GJC1: variants seen among roughly 807,000 people sequenced by gnomAD.
The protein encoded by GJC1 is gap junction gamma-1 protein.
In GJC1, 5 loss-of-function variants were observed where a neutral mutation model predicts 29.3. That is an observed-to-expected ratio of 0.17 (90% CI 0.09 to 0.36). GJC1 has a LOEUF of 0.36. Among genes scored for constraint, GJC1 ranks in the 10% least tolerant of loss-of-function variants. The pLI is 1.00. For missense variants in GJC1, 310 were observed against 496.2 expected (o/e 0.62, Z 3.56); for synonymous variants, 177 against 183.3 (o/e 0.97, Z 0.28).
At chr17:44,806,026 C>A (rs191998565) in intron 2 of GJC1, among the ~76,000 whole-genome samples, 189 bp from the exon 3 acceptor site, 4 of 152,266 alleles carry the variant, frequency 2.6e-5, no homozygotes, top group Non-Finnish European at 5.9e-5. Flanking sequence ...GTAATCCCAG[C>A]ACTTTGGGAG....
At chr17:44,826,007 A>G (rs1293846142) in intron 1 of GJC1, among the ~76,000 whole-genome samples, 1 of 151,752 alleles carries the variant, frequency 6.6e-6, no homozygotes, top group African/African-American at 2.4e-5. Flanking sequence ...TGCAACCTCC[A>G]CCTCCCAGGT....
chr17:44,806,409 T>G (rs546718766), intron 2 of GJC1, among the ~76,000 whole-genome samples: 1 of 150,924 alleles, frequency 6.6e-6, no homozygotes, highest in Non-Finnish European at 1.5e-5. Flanking sequence ...TTGTTTTTTT[T>G]TTTTTTTTTT....
chr17:44,820,269 G>C (rs931727124), intron 1 of GJC1, among the ~76,000 whole-genome samples: 1 of 152,116 alleles, frequency 6.6e-6, no homozygotes, highest in Non-Finnish European at 1.5e-5. Context: ...GGCGAAAAGT[G>C]ATTCTTAACC....
intron 1 of GJC1, among the ~76,000 whole-genome samples, chr17:44,816,218 C>T (rs77317491): frequency 6.6e-6 from 1 of 150,502 alleles, no homozygotes; most frequent in Non-Finnish European, 1.5e-5. Flanking sequence ...GATTCACTCA[C>T]ACAAAGAAAA....
Position 44,800,911 on chromosome 17 carries a change from T to C in GJC1, c.*3716A>G, listed in dbSNP as rs1370723620. 6.6e-6 allele frequency: 1 copy of C among 151,100 alleles called. No homozygotes were observed. Among genetic ancestry groups the C allele is most frequent in the Non-Finnish European group, 1.5e-5 (1 of 67,928 alleles). The allele number at this position is 151,100 out of a possible 1,614,324, so 9.4% of individuals were successfully genotyped here. A position where few individuals can be genotyped will look rare whatever the true frequency, so the allele number is the denominator to read the frequency against. Reference sequence around the variant, plus strand: ...TTCTTTAGGGGAAAATGCTATCTAATTTTCCCCTCGTTTGAATTAACCAAA... The same window carrying C: ...TTCTTTAGGGGAAAATGCTATCTAACTTTCCCCTCGTTTGAATTAACCAAA... On this transcript the variant is annotated 3_prime_UTR_variant, in exon 3 of 3. Coordinates refer to ENST00000592524, the MANE Select transcript of GJC1 (RefSeq NM_005497.4).
downstream of GJC1, among the ~76,000 whole-genome samples, chr17:44,795,958 A>G (rs545508494): frequency 6.6e-6 from 1 of 152,360 alleles, no homozygotes; most frequent in South Asian, 2.1e-4. Flanking sequence ...TGGGGGAGCC[A>G]GAAGGGAGAT....
At chr17:44,814,015 G>T (rs1162955343) in intron 1 of GJC1, among the ~76,000 whole-genome samples, 1 of 152,144 alleles carries the variant, frequency 6.6e-6, no homozygotes, top group East Asian at 1.9e-4. Context: ...ATCATTTCAA[G>T]AAGTAGAATG....
At chr17:44,812,385 A>G (rs1307682601) in intron 1 of GJC1, among the ~76,000 whole-genome samples, 2 of 152,194 alleles carry the variant, frequency 1.3e-5, no homozygotes, top group Non-Finnish European at 2.9e-5. Context: ...ATTTATGCCT[A>G]TTGTTCCATT....
intron 1 of GJC1, among the ~76,000 whole-genome samples, chr17:44,825,959 C>T (rs1163249858): frequency 6.6e-6 from 1 of 152,054 alleles, no homozygotes; most frequent in Non-Finnish European, 1.5e-5. Context: ...CTCGCTCTGT[C>T]GCCCAGGCTG....
In GJC1 at chr17:44,808,265, G is replaced by GA. The variant is rs527728834; in HGVS notation, c.-96-797dup. On this transcript the variant is annotated intron_variant, in intron 1 of 2. Coordinates refer to ENST00000592524, the MANE Select transcript of GJC1 (RefSeq NM_005497.4). ...TGGAACAATTTCCAAAGGAACAATG[G>GA]AAAAAAAAAAAGTGAAGGCATGAAG... Among the ~76,000 whole-genome samples, 205 of 144,686 alleles carry GA rather than the reference G, an allele frequency of 1.4e-3. 3 individuals are homozygous for GA. In the South Asian group the frequency reaches 0.03, roughly 21 times the overall value. 94.9% of individuals were successfully genotyped at this position (144,686 alleles called of 152,430 possible).
intron 1 of GJC1, among the ~76,000 whole-genome samples, chr17:44,817,484 G>C (rs2050056652): frequency 6.6e-6 from 1 of 151,768 alleles, no homozygotes; most frequent in South Asian, 2.1e-4. Flanking sequence ...GCTGAGGCGG[G>C]CGGATCACCT....
chr17:44,817,781 A>G (rs1202526865), intron 1 of GJC1, among the ~76,000 whole-genome samples: 1 of 151,792 alleles, frequency 6.6e-6, no homozygotes, highest in East Asian at 1.9e-4. Flanking sequence ...GCAAAGCCAG[A>G]ATTTGAAGTC....
chr17:44,822,999 T>A (rs916619368), intron 1 of GJC1, among the ~76,000 whole-genome samples: 1 of 152,150 alleles, frequency 6.6e-6, no homozygotes, highest in African/African-American at 2.4e-5. Flanking sequence ...GGGGAATTCC[T>A]AAAATAGAGT....
intron 1 of GJC1, among the ~76,000 whole-genome samples, chr17:44,823,248 G>GTTT (rs10710605): frequency 0.12 from 14,033 of 117,508 alleles, 864 homozygotes; most frequent in African/African-American, 0.14. Flanking sequence ...TTTCTTTCCT[G>GTTT]TTTTTTTTTT....
chr17:44,799,911 CAAAAAACAAAACCA>C lies in GJC1; in HGVS notation c.*4702_*4715del, dbSNP rs1342536704. On this transcript the variant is annotated 3_prime_UTR_variant, in exon 3 of 3. Transcript: ENST00000592524. Reference sequence around the variant, plus strand: ...TCTAGCCTGGGCTCAAAACAAACCCCAAAAAACAAAACCAAACATCAATAGAACTACATAGGGAC... The same window carrying C: ...TCTAGCCTGGGCTCAAAACAAACCCCAACATCAATAGAACTACATAGGGAC... 6.6e-6 allele frequency: 1 copy of C among 152,056 alleles called. No homozygotes were observed. Among genetic ancestry groups the C allele is most frequent in the Admixed American group, 6.6e-5 (1 of 15,246 alleles). 9.4% of individuals were successfully genotyped at this position (152,056 alleles called of 1,614,324 possible).
Position 44,827,085 on chromosome 17 carries a change from G to A in GJC1, c.-97+2977C>T, listed in dbSNP as rs1313832575. Among the ~76,000 whole-genome samples, 6 of 152,214 alleles carry A rather than the reference G, an allele frequency of 3.9e-5. No homozygotes were observed. In the South Asian group the frequency reaches 1.0e-3, roughly 26 times the overall value. On this transcript the variant is annotated intron_variant, in intron 1 of 2. Coordinates refer to ENST00000592524, the MANE Select transcript of GJC1 (RefSeq NM_005497.4). ...AGCACTCTGGAAGGCAGAGGCAGGC[G>A]GATCACCTAATGTCAAGAGTTGGAG...
In GJC1 at chr17:44,821,949, G is replaced by A. The variant is rs78105810; in HGVS notation, c.-97+8113C>T. On this transcript the variant is annotated intron_variant, in intron 1 of 2. Transcript: ENST00000592524. ...GCGGTGGCTAACACCTGTAATCCTA[G>A]CACTTTGGGAGGCCGAGGCAGGTGG... 0.015 allele frequency among the ~76,000 whole-genome samples: 2,249 copies of A among 151,840 alleles called. 128 individuals carry two copies. In the East Asian group the frequency reaches 0.21, roughly 14 times the overall value.
chr17:44,814,408 G>A (rs1401199392), intron 1 of GJC1, among the ~76,000 whole-genome samples: 2 of 152,040 alleles, frequency 1.3e-5, no homozygotes, highest in South Asian at 2.1e-4. Flanking sequence ...CCAAAGTGCT[G>A]GGATTACAGG....
At chr17:44,796,232 C>T (rs1008492110), downstream of GJC1, among the ~76,000 whole-genome samples, 2 of 152,206 alleles carry the variant, frequency 1.3e-5, no homozygotes. Flanking sequence ...CTCTATGCAG[C>T]ACTTCCCTTC....
Sources: gnomAD v4.1 joint callset for allele counts (sites outside exome capture counted in the v4.1 genomes callset) on GRCh38, gnomAD v4.1.1 for gene constraint, MANE v1.5 for transcripts, NCBI Gene and HGNC (gene_info 2026-07-23, HGNC 2026-07-21) for gene names.